The following CDC20B variants were observed in gnomAD, a reference collection of about 807,000 sequenced individuals.
The protein encoded by CDC20B is cell division cycle protein 20 homolog B.
A neutral mutation model predicts 64.1 loss-of-function variants in CDC20B; 58 were observed. The observed-to-expected ratio is 0.90, with a 90% CI of 0.73 to 1.13. The LOEUF (loss-of-function observed/expected upper bound fraction) is 1.13. Ranked by LOEUF, CDC20B falls within the 50% of genes most tolerant of loss-of-function variation. The pLI is 0.00. For missense variants in CDC20B, 597 were observed against 633.0 expected, an observed-to-expected ratio of 0.94 and a Z score of 0.61; for synonymous variants, 243 against 230.6, an observed-to-expected ratio of 1.05 and a Z score of -0.49.
At chr5:55,164,995 T>A (rs532653168) in intron 2 of CDC20B, 1 of 152,336 alleles carries the variant, frequency 6.6e-6, no homozygotes, top group East Asian at 1.9e-4. Flanking sequence ...AAGTCAGTCT[T>A]TATTTTTGCG....
chr5:55,144,445 C>CT (rs1471911358), intron 3 of CDC20B, among the ~76,000 whole-genome samples: 1 of 152,136 alleles, frequency 6.6e-6, no homozygotes, highest in Non-Finnish European at 1.5e-5. Context: ...AAATCTTAGC[C>CT]TTTTGCCATG....
chr5:55,154,640 T>C (rs922550017), intron 2 of CDC20B, among the ~76,000 whole-genome samples: 1 of 152,114 alleles, frequency 6.6e-6, no homozygotes, highest in Non-Finnish European at 1.5e-5. Context: ...CCAGGACCCA[T>C]GAAGGGGTAG....
chr5:55,124,964 G>C lies in CDC20B; in HGVS notation c.1054C>G (p.Leu352Val), dbSNP rs757949355. 16 of 1,614,052 alleles carry C rather than the reference G, an allele frequency of 9.9e-6. No homozygotes were observed. The highest frequency in any genetic ancestry group is 2.7e-5 in the African/African-American group (2 of 74,912). Residue 352 changes from leucine (L) to valine (V), a missense_variant, in exon 9 of 12, where the codon CTT (leucine) becomes GTT (valine). By Grantham distance (32) the Leu-to-Val change is conservative. Around this residue, in one of 3 missense-constraint regions of CDC20B, gnomAD observed 353 missense variants for 397.0 expected, o/e 0.89. Transcript: ENST00000381375. ...GCACACACAGCTTGCTTGTGGCGAA[G>C]TGTTCCAACATGATGCTGGGCTACC... is the stretch of plus-strand genomic sequence containing the variant. ...VRVAQHHVGT[L>V]RHKQAVCALK...
rs1742556736 is a variant in CDC20B, at chr5:55,113,629, G to A, written c.*589C>T. 2 of 152,532 alleles carry A rather than the reference G, an allele frequency of 1.3e-5. No individual in the cohort carries two copies. Among genetic ancestry groups the A allele is most frequent in the African/African-American group, 4.8e-5 (2 of 41,454 alleles). The allele number at this position is 152,532 out of a possible 1,614,324, so 9.4% of individuals were successfully genotyped here. ...AGGAAGCACAGAGCAGAATAATCAGGAGGTTCCCTGAGTGGGAGACCAGGA... is the reference window on the plus strand; with the variant it reads ...AGGAAGCACAGAGCAGAATAATCAGAAGGTTCCCTGAGTGGGAGACCAGGA... On this transcript the variant is annotated 3_prime_UTR_variant, in exon 12 of 12. Coordinates refer to ENST00000381375, the MANE Select transcript of CDC20B (RefSeq NM_001170402.1).
chr5:55,138,255 G>A (rs1412163726), intron 5 of CDC20B, among the ~76,000 whole-genome samples: 1 of 151,400 alleles, frequency 6.6e-6, no homozygotes, highest in Non-Finnish European at 1.5e-5. Context: ...CCGCCTCCCA[G>A]GTTCAAGTGA....
intron 2 of CDC20B, among the ~76,000 whole-genome samples, chr5:55,158,753 G>A (rs1561301003): frequency 6.6e-6 from 1 of 152,128 alleles, no homozygotes; most frequent in Non-Finnish European, 1.5e-5. Flanking sequence ...AAAGTGAATG[G>A]CTTTTAGGAT....
chr5:55,148,812 C>G (rs749651674), intron 2 of CDC20B, among the ~76,000 whole-genome samples: 1 of 152,200 alleles, frequency 6.6e-6, no homozygotes, highest in Non-Finnish European at 1.5e-5. Context: ...GGGTTTTACA[C>G]GTTTGTATTT....
intron 2 of CDC20B, among the ~76,000 whole-genome samples, chr5:55,163,163 T>C (rs1378993850): frequency 3.9e-5 from 6 of 152,142 alleles, no homozygotes; most frequent in African/African-American, 1.4e-4. Flanking sequence ...AAAATGAACA[T>C]AAATCTTGAG....
chr5:55,126,668 G>A (rs1561287728), intron 8 of CDC20B, among the ~76,000 whole-genome samples: 1 of 152,078 alleles, frequency 6.6e-6, no homozygotes, highest in Non-Finnish European at 1.5e-5. Flanking sequence ...TTCTCAAAGG[G>A]ATGTATCATC....
chr5:55,131,852 G>A (rs927455742), intron 6 of CDC20B, among the ~76,000 whole-genome samples: 1 of 152,142 alleles, frequency 6.6e-6, no homozygotes, highest in African/African-American at 2.4e-5. Flanking sequence ...ATCACTTGAG[G>A]TCAGGAGTTC....
At chr5:55,155,715 G>T (rs769330133) in intron 2 of CDC20B, among the ~76,000 whole-genome samples, 4 of 152,112 alleles carry the variant, frequency 2.6e-5, no homozygotes, top group African/African-American at 9.7e-5. Context: ...GCCAGCAGCT[G>T]CCCGCAGGGT....
intron 2 of CDC20B, among the ~76,000 whole-genome samples, chr5:55,150,512 T>C (rs1425580335): frequency 6.6e-6 from 1 of 152,250 alleles, no homozygotes; most frequent in Non-Finnish European, 1.5e-5. Flanking sequence ...AGAACTTCTT[T>C]CGCAGAAGAC....
At chr5:55,167,581 T>G (rs1744456181) in intron 2 of CDC20B, among the ~76,000 whole-genome samples, 1 of 152,152 alleles carries the variant, frequency 6.6e-6, no homozygotes, top group Non-Finnish European at 1.5e-5. Flanking sequence ...TAATTGGTGA[T>G]GGGCATGATG....
chr5:55,155,704 C>T (rs1580360932), intron 2 of CDC20B, among the ~76,000 whole-genome samples: 2 of 152,188 alleles, frequency 1.3e-5, no homozygotes, highest in Non-Finnish European at 2.9e-5. Flanking sequence ...TTATCTCTAT[C>T]GCCAGCAGCT....
At chr5:55,123,471 C>T (rs963513690) in intron 9 of CDC20B, among the ~76,000 whole-genome samples, 3 of 152,152 alleles carry the variant, frequency 2.0e-5, no homozygotes, top group African/African-American at 7.2e-5. Context: ...AAACTAGAAG[C>T]TACACCATGA....
In CDC20B at chr5:55,153,246, A is replaced by G. The variant is rs927948067; in HGVS notation, c.127-6390T>C. Among the ~76,000 whole-genome samples the G allele has an allele frequency of 3.2e-4, 49 of 150,964 alleles. 1 individual carries two copies. Among genetic ancestry groups the G allele is most frequent in the Non-Finnish European group, 1.5e-4 (10 of 67,692 alleles). On this transcript the variant is annotated intron_variant, in intron 2 of 11. Transcript: ENST00000381375. The stretch of plus-strand genomic sequence containing the variant: ...ATAGCCAGACCTTGTCTCATAAAAA[A>G]AAAAAAAAAAAAAAAAAGAACAATT...
rs1308062287 is a variant in CDC20B, at chr5:55,146,732, G to A, written c.251C>T (p.Ala84Val). ...TTCCCCAAAGGAATCAGAGGACAGA[G>A]CCCTAGTTTGACTTTGCTGCCACCT... The part of the protein sequence containing the change: ...TTRWQQSQTR[A>V]LSSDSFGEEQ... The change falls in exon 3 of 12, where the codon GCT becomes GTT. Residue 84 changes from alanine (A) to valine (V), a missense_variant. Coordinates refer to ENST00000381375, the MANE Select transcript of CDC20B (RefSeq NM_001170402.1). The A allele has an allele frequency of 6.2e-7, 1 of 1,614,184 alleles. No homozygotes were observed. The highest frequency in any genetic ancestry group is 1.7e-5 in the Admixed American group (1 of 60,022).
At chr5:55,133,552 A>G in intron 5 of CDC20B, 24 bp from the exon 6 acceptor site, 1 of 1,050,226 alleles carries the variant, frequency 9.5e-7, no homozygotes, top group Non-Finnish European at 1.4e-6. Flanking sequence ...ACACTTCTAC[A>G]CAGCTCTAAG....
intron 2 of CDC20B, among the ~76,000 whole-genome samples, chr5:55,159,240 C>T (rs1743914102): frequency 6.6e-6 from 1 of 152,182 alleles, no homozygotes; most frequent in Non-Finnish European, 1.5e-5. Context: ...TGGTCTTGAA[C>T]TCATGGGCTC....
Sources: gnomAD v4.1 joint callset for allele counts (sites outside exome capture counted in the v4.1 genomes callset) on GRCh38, gnomAD v4.1.1 for gene constraint, gnomAD v4.1.1 regional missense constraint, MANE v1.5 for transcripts, NCBI Gene and HGNC (gene_info 2026-07-23, HGNC 2026-07-21) for gene names.